TMEM79: variants seen among roughly 807,000 people sequenced by gnomAD.
TMEM79 encodes mattrin.
Under a neutral mutation model 31.2 loss-of-function variants are expected in TMEM79, and 30 were observed. That is an observed-to-expected ratio of 0.96 (90% CI 0.72 to 1.30). TMEM79 has a LOEUF of 1.30. Ranked by LOEUF, TMEM79 falls within the 50% of genes most tolerant of loss-of-function variation. The pLI is 0.00. For synonymous variants in TMEM79, 213 were observed against 229.5 expected, an observed-to-expected ratio of 0.93 and a Z score of 0.65; for missense variants, 509 against 528.2, an observed-to-expected ratio of 0.96 and a Z score of 0.36.
chr1:156,291,511 G>A lies in TMEM79; in HGVS notation c.1098G>A (p.Glu366=), dbSNP rs768600765. 2.5e-6 allele frequency: 4 copies of A among 1,610,986 alleles called. No homozygotes were observed. The South Asian group carries it at 3.3e-5, about 13-fold the overall frequency. The change falls in exon 4 of 4, where the codon GAG becomes GAA. Residue 366 remains glutamate (E), a synonymous_variant. Transcript: ENST00000405535. The part of the protein sequence containing the change: ...NLYYMFVVEP[E]RMLTATESRL... ...ACTACATGTTCGTGGTGGAGCCGGA[G>A]CGCATGCTCACTGCCACCGAGAGCC...
chr1:156,288,115 T>C (rs1347657982), intron 3 of TMEM79, among the ~76,000 whole-genome samples: 1 of 148,126 alleles, frequency 6.8e-6, no homozygotes, highest in African/African-American at 2.5e-5. Context: ...CTCGGGAGGC[T>C]GAGGCAGGAG....
chr1:156,286,896 G>A (rs1045129851), intron 3 of TMEM79, among the ~76,000 whole-genome samples: 1 of 152,222 alleles, frequency 6.6e-6, no homozygotes, highest in Non-Finnish European at 1.5e-5. Context: ...GGCCGAGGTG[G>A]CAGATCACTT....
intron 3 of TMEM79, among the ~76,000 whole-genome samples, chr1:156,288,576 A>G (rs1663233111): frequency 6.6e-6 from 1 of 151,992 alleles, no homozygotes; most frequent in Non-Finnish European, 1.5e-5. Context: ...GACCTCAGAT[A>G]ATCCACCCAT....
At position 156,285,818 on chromosome 1, in the gene TMEM79, C is replaced by G. The variant is rs138607159; in HGVS notation, c.592C>G (p.Leu198Val). 177 of 1,613,572 alleles carry G rather than the reference C, an allele frequency of 1.1e-4. 1 individual carries two copies. The highest frequency in any genetic ancestry group is 1.6e-4 in the Middle Eastern group (1 of 6,082). ...GCGSCGDREW[L>V]RAVASVGAAL... The stretch of plus-strand genomic sequence containing the variant: ...CGGGAGCTGTGGAGACCGTGAGTGG[C>G]TAAGGGCTGTGGCCTCCGTGGGAGC... The change falls in exon 2 of 4, where the codon CTA becomes GTA. Residue 198 changes from leucine (L) to valine (V), a missense_variant. By Grantham distance (32) the Leu-to-Val change is conservative. Coordinates refer to ENST00000405535, the MANE Select transcript of TMEM79 (RefSeq NM_032323.3).
chr1:156,286,712 A>G (rs190829568), intron 3 of TMEM79, among the ~76,000 whole-genome samples: 36 of 152,360 alleles, frequency 2.4e-4, no homozygotes, highest in Non-Finnish European at 4.3e-4. Flanking sequence ...GGTGTCATCT[A>G]GATCAATGCA....
chr1:156,286,047 TGTG>T, intron 2 of TMEM79, 64 bp downstream of exon 2: 5 of 1,545,324 alleles, frequency 3.2e-6, no homozygotes, highest in Non-Finnish European at 4.4e-6. Flanking sequence ...GCCTGGCTGG[TGTG>T]GGGAGCAGGA....
chr1:156,290,019 TCTTA>T (rs1202314163), intron 3 of TMEM79: 3 of 152,198 alleles, frequency 2.0e-5, no homozygotes, highest in Non-Finnish European at 4.4e-5. Context: ...CTTGGACCAG[TCTTA>T]CTTAACCCTT....
At position 156,286,428 on chromosome 1, in the gene TMEM79, C is replaced by T. The variant is rs1301593999; in HGVS notation, c.926C>T (p.Thr309Ile). 1 of 1,614,210 alleles carries T rather than the reference C, an allele frequency of 6.2e-7. No individual in the cohort carries two copies. The highest frequency in any genetic ancestry group is 8.5e-7 in the Non-Finnish European group (1 of 1,180,046). The change falls in exon 3 of 4, where the codon ACC becomes ATC. Residue 309 changes from threonine (T) to isoleucine (I), a missense_variant. Thr to Ile is a moderately conservative substitution (Grantham distance 89). Coordinates refer to ENST00000405535, the MANE Select transcript of TMEM79 (RefSeq NM_032323.3). ...AVLSTYLPQD[T>I]LKLLPLLTGL... The stretch of plus-strand genomic sequence containing the variant: ...CTTTCCACTTACCTGCCCCAGGATA[C>T]CCTCAAACTGCTCCCTCTGCTCACT...
rs1294998007 is a variant in TMEM79, at chr1:156,286,321, A to G, written c.819A>G (p.Pro273=). The change falls in exon 3 of 4, where the codon CCA becomes CCG. Residue 273 remains proline, a synonymous_variant. Transcript: ENST00000405535. The part of the protein sequence containing the change: ...CFSALRPFGE[P]RREVEIHRRY... ...CTGCCCTTCGGCCCTTTGGGGAGCCACGGCGGGAGGTGGAGATCCACCGGC... is the reference window on the plus strand; with the variant it reads ...CTGCCCTTCGGCCCTTTGGGGAGCCGCGGCGGGAGGTGGAGATCCACCGGC... 1 of 1,614,070 alleles carries G rather than the reference A, an allele frequency of 6.2e-7. No homozygotes were observed. The highest frequency in any genetic ancestry group is 8.5e-7 in the Non-Finnish European group (1 of 1,180,034).
At chr1:156,286,120 G>C in intron 2 of TMEM79, 137 bp downstream of exon 2, 3 of 1,391,154 alleles carry the variant, frequency 2.2e-6, no homozygotes, top group Non-Finnish European at 3.0e-6. Flanking sequence ...CAGTCTGCAT[G>C]CCCATCTCCT....
intron 1 of TMEM79, among the ~76,000 whole-genome samples, 173 bp from the exon 2 acceptor site, chr1:156,285,011 C>T (rs1199130938): frequency 6.6e-6 from 1 of 152,170 alleles, no homozygotes; most frequent in Non-Finnish European, 1.5e-5. Flanking sequence ...CTGCTCACTT[C>T]CTTCCCTCCT....
At position 156,287,050 on chromosome 1, in the gene TMEM79, G is replaced by GA. The variant is rs1663188670; in HGVS notation, c.971+578dup. Among the ~76,000 whole-genome samples the GA allele has an allele frequency of 2.0e-5, 3 of 152,234 alleles. 1 individual carries two copies. On this transcript the variant is annotated intron_variant, in intron 3 of 3. Transcript: ENST00000405535. ...AGGCAGGAGAATCGCTTGAGTCCAG[G>GA]AGGTGGAGATTGCAGTGACACAAGA... is the stretch of plus-strand genomic sequence containing the variant.
In TMEM79 at chr1:156,291,466, G is replaced by T. The variant is rs776710717; in HGVS notation, c.1053G>T (p.Ser351=). Residue 351 remains serine, a synonymous_variant, in exon 4 of 4, where the codon TCG becomes TCT. Transcript: ENST00000405535. The part of the protein sequence containing the change: ...GYGLTFLPLL[S]MLMWNLYYMF... ...GCCTGACGTTTCTGCCACTGCTGTC[G>T]ATGCTGATGTGGAACCTCTACTACA... is the stretch of plus-strand genomic sequence containing the variant. 3 of 1,613,736 alleles carry T rather than the reference G, an allele frequency of 1.9e-6. No individual in the cohort carries two copies. The South Asian group carries it at 3.3e-5, about 18-fold the overall frequency.
intron 1 of TMEM79, 74 bp from the exon 2 acceptor site, chr1:156,285,110 T>G: frequency 1.5e-6 from 2 of 1,326,118 alleles, no homozygotes; most frequent in Non-Finnish European, 2.0e-6. Flanking sequence ...CCCTGGAGAG[T>G]ATGAGTTCTG....
Position 156,286,328 on chromosome 1 carries a change from G to A in TMEM79, c.826G>A (p.Glu276Lys), listed in dbSNP as rs775951312. 6.2e-6 allele frequency: 10 copies of A among 1,614,082 alleles called. No homozygotes were observed. The Admixed American group carries it at 1.0e-4, about 16-fold the overall frequency. Residue 276 changes from glutamate (E) to lysine (K), a missense_variant, in exon 3 of 4, where the codon GAG (glutamate) becomes AAG (lysine). Physicochemically the swap from Glu to Lys is moderately conservative, Grantham distance 56. Transcript: ENST00000405535. ...TCGGCCCTTTGGGGAGCCACGGCGG[G>A]AGGTGGAGATCCACCGGCGATATGT... ...ALRPFGEPRR[E>K]VEIHRRYVAQ... is the part of the protein sequence containing the mutation.
In TMEM79 at chr1:156,289,578, C is replaced by T. The variant is rs540285167; in HGVS notation, c.972-1807C>T. 5.9e-5 allele frequency among the ~76,000 whole-genome samples: 9 copies of T among 152,330 alleles called. No homozygotes were observed. The South Asian group carries it at 1.4e-3, about 25-fold the overall frequency. On this transcript the variant is annotated intron_variant, in intron 3 of 3. Transcript: ENST00000405535. Reference sequence around the variant, plus strand: ...AGTGAGCCGAGATTGGGCCACTGCACTCCAGCCTGGGCGACAGAGCGAGAC... The same window carrying T: ...AGTGAGCCGAGATTGGGCCACTGCATTCCAGCCTGGGCGACAGAGCGAGAC...
chr1:156,289,105 C>T (rs1222432318), intron 3 of TMEM79, among the ~76,000 whole-genome samples: 3 of 152,182 alleles, frequency 2.0e-5, no homozygotes, highest in Non-Finnish European at 4.4e-5. Flanking sequence ...GCAGTTTGTG[C>T]CTCAGTTTCA....
upstream of TMEM79, among the ~76,000 whole-genome samples, chr1:156,283,772 A>G (rs1663069058): frequency 6.6e-6 from 1 of 152,016 alleles, no homozygotes; most frequent in Non-Finnish European, 1.5e-5. Flanking sequence ...TTGGTCTTTC[A>G]CTTGCTGTTC....
chr1:156,287,884 C>T (rs1449078132), intron 3 of TMEM79, among the ~76,000 whole-genome samples: 1 of 152,026 alleles, frequency 6.6e-6, no homozygotes, highest in Admixed American at 6.5e-5. Flanking sequence ...TCCCAAAGTA[C>T]TGGGATTACA....
Sources: allele counts gnomAD v4.1 joint callset (sites outside exome capture counted in the v4.1 genomes callset), GRCh38; gene constraint gnomAD v4.1.1; transcripts MANE v1.5; gene names NCBI Gene and HGNC (gene_info 2026-07-23, HGNC 2026-07-21).